The following NXN variants were observed in gnomAD, a reference collection of about 807,000 sequenced individuals.
NXN encodes the protein nucleoredoxin, also known as nucleoredoxin 1.
NXN carries 16 observed loss-of-function variants against 48.6 expected under a neutral mutation model. The ratio of observed to expected loss-of-function variants is 0.33; its 90% CI spans 0.22 to 0.50. The LOEUF is 0.50. NXN is among the 20% of genes least tolerant of loss of function. The pLI is 0.98. For synonymous variants in NXN, 281 were observed against 269.6 expected, an observed-to-expected ratio of 1.04 and a Z score of -0.41; for missense variants, 492 against 605.5, an observed-to-expected ratio of 0.81 and a Z score of 1.97.
At position 975,702 on chromosome 17, in the gene NXN, T is replaced by C. The variant is rs567059644; in HGVS notation, c.360+3617A>G. ...TGCACCCACACTGACCATATGTTTT[T>C]GATCAGGCATCCAGCCCAGACAAAG... On this transcript the variant is annotated intron_variant, in intron 1 of 7. Coordinates refer to ENST00000336868, the MANE Select transcript of NXN (RefSeq NM_022463.5). Among the ~76,000 whole-genome samples the C allele has an allele frequency of 6.6e-5, 10 of 152,364 alleles. No individual in the cohort carries two copies. The South Asian group carries it at 2.1e-3, about 32-fold the overall frequency.
chr17:926,534 GT>G (rs60470915), intron 1 of NXN, among the ~76,000 whole-genome samples: 41,091 of 141,484 alleles, frequency 0.29, 6,822 homozygotes, highest in East Asian at 0.55. Context: ...CATGTTTTTT[GT>G]TTTTTTTTTG....
chr17:836,263 C>G (rs1597646707), intron 1 of NXN, among the ~76,000 whole-genome samples: 1 of 152,168 alleles, frequency 6.6e-6, no homozygotes, highest in Non-Finnish European at 1.5e-5. Flanking sequence ...TTGCTCTTGA[C>G]TGGGGAGCCT....
At chr17:979,237 G>GCAGGGGTAACGGGCGTGGGGGGCGGA in intron 1 of NXN, 82 bp downstream of exon 1, 2 of 1,024,756 alleles carry the variant, frequency 2.0e-6, no homozygotes, top group Non-Finnish European at 2.5e-6. Context: ...TTGGCGGAGG[G>GCAGGGGTAACGGGCGTGGGGGGCGGA]CAGGGGTAAC....
At chr17:937,312 G>A (rs2068918427) in intron 1 of NXN, among the ~76,000 whole-genome samples, 1 of 152,048 alleles carries the variant, frequency 6.6e-6, no homozygotes, top group Non-Finnish European at 1.5e-5. Context: ...GGGCAAAAAA[G>A]AAGAGCCCAG....
intron 1 of NXN, among the ~76,000 whole-genome samples, chr17:926,157 A>C (rs1389772103): frequency 6.6e-6 from 1 of 152,146 alleles, no homozygotes; most frequent in Non-Finnish European, 1.5e-5. Flanking sequence ...GCACATTCTC[A>C]GTATCTACCG....
At chr17:970,675 C>T (rs889052267) in intron 1 of NXN, among the ~76,000 whole-genome samples, 12 of 152,124 alleles carry the variant, frequency 7.9e-5, no homozygotes, top group African/African-American at 2.7e-4. Flanking sequence ...GGTACAATTC[C>T]GTGAACAGAA....
At chr17:951,175 T>A (rs11870788) in intron 1 of NXN, among the ~76,000 whole-genome samples, 37,206 of 56,602 alleles carry the variant, frequency 0.66, 13,194 homozygotes, top group Non-Finnish European at 0.68. Flanking sequence ...TGTCTCTACT[T>A]AAAAAAAAAA....
intron 1 of NXN, among the ~76,000 whole-genome samples, chr17:834,995 G>T (rs1006046725): frequency 6.6e-6 from 1 of 150,536 alleles, no homozygotes; most frequent in Admixed American, 6.6e-5. Context: ...CCACCCAAAG[G>T]CCACACAATG....
chr17:948,706 C>T (rs975130640), intron 1 of NXN, among the ~76,000 whole-genome samples: 1 of 151,806 alleles, frequency 6.6e-6, no homozygotes, highest in Non-Finnish European at 1.5e-5. Context: ...GGGGCCTCAC[C>T]CCGGCCCGTC....
At chr17:831,635 G>A (rs1043775711) in intron 1 of NXN, among the ~76,000 whole-genome samples, 3 of 151,862 alleles carry the variant, frequency 2.0e-5, no homozygotes, top group African/African-American at 4.8e-5. Context: ...GAGTAGCTGC[G>A]ATTACAGGCA....
At chr17:803,532 T>C in intron 7 of NXN, 150 bp downstream of exon 7, 1 of 969,250 alleles carries the variant, frequency 1.0e-6, no homozygotes, top group Non-Finnish European at 1.5e-6. Context: ...AATGGCTACC[T>C]TTCCTTGCCA....
chr17:873,585 G>A (rs972486313), intron 1 of NXN, among the ~76,000 whole-genome samples: 20 of 151,272 alleles, frequency 1.3e-4, no homozygotes, highest in South Asian at 2.1e-4. Context: ...AATATACAAC[G>A]TGAATATCAA....
chr17:926,665 C>T (rs2068803556), intron 1 of NXN, among the ~76,000 whole-genome samples: 1 of 151,948 alleles, frequency 6.6e-6, no homozygotes, highest in Non-Finnish European at 1.5e-5. Context: ...CCCACTTCAG[C>T]GTTCCGAGTA....
intron 1 of NXN, among the ~76,000 whole-genome samples, chr17:840,289 G>A (rs1386247845): frequency 3.3e-5 from 5 of 152,118 alleles, no homozygotes; most frequent in African/African-American, 1.2e-4. Flanking sequence ...AAGGACCAGG[G>A]GACAACTGTA....
At chr17:854,856 G>A (rs183244380) in intron 1 of NXN, among the ~76,000 whole-genome samples, 2 of 151,852 alleles carry the variant, frequency 1.3e-5, no homozygotes, top group African/African-American at 4.8e-5. Flanking sequence ...CTACTCGGGA[G>A]ACTGAGGCAG....
At chr17:819,633 G>A in intron 4 of NXN, 88 bp from the exon 5 acceptor site, 1 of 939,946 alleles carries the variant, frequency 1.1e-6, no homozygotes, top group Admixed American at 2.4e-5. Flanking sequence ...TTCTGCCCAG[G>A]GATTCTGCAG....
chr17:925,631 C>T (rs908328960), intron 1 of NXN, among the ~76,000 whole-genome samples: 3 of 152,284 alleles, frequency 2.0e-5, no homozygotes, highest in East Asian at 1.9e-4. Flanking sequence ...TCAGGTGATC[C>T]GCCCGCCTCA....
chr17:818,758 G>A (rs1242450517), intron 5 of NXN, among the ~76,000 whole-genome samples: 3 of 151,784 alleles, frequency 2.0e-5, no homozygotes, highest in Admixed American at 6.6e-5. Flanking sequence ...TGTGGTGGGC[G>A]CCTGTAGTCC....
intron 1 of NXN, among the ~76,000 whole-genome samples, chr17:942,261 C>A (rs2068985226): frequency 2.3e-5 from 3 of 131,946 alleles, no homozygotes; most frequent in African/African-American, 9.1e-5. Context: ...TCACACCTTC[C>A]TGGATTTACA....
Sources: allele counts gnomAD v4.1 joint callset (sites outside exome capture counted in the v4.1 genomes callset), GRCh38; gene constraint gnomAD v4.1.1; transcripts MANE v1.5; gene names NCBI Gene and HGNC (gene_info 2026-07-23, HGNC 2026-07-21).